Variants in TAPBP observed in about 807,000 individuals in gnomAD.
TAPBP encodes the protein TAP binding protein.
TAPBP carries 38 observed loss-of-function variants against 45.7 expected under a neutral mutation model. The ratio of observed to expected loss-of-function variants is 0.83; its 90% CI spans 0.64 to 1.09. The LOEUF is 1.09. Ranked by LOEUF, TAPBP falls within the 50% of genes least tolerant of loss-of-function variation. The pLI, the probability that TAPBP is intolerant of heterozygous loss-of-function variation, is 0.00. For missense variants in TAPBP, 513 were observed against 587.3 expected, an observed-to-expected ratio of 0.87 and a Z score of 1.31; for synonymous variants, 226 against 254.8, an observed-to-expected ratio of 0.89 and a Z score of 1.08.
At chr6:33,303,601 AATT>A (rs1264816924) in intron 7 of TAPBP, 1 of 863,642 alleles carries the variant, frequency 1.2e-6, no homozygotes, top group African/African-American at 1.7e-5. Context: ...AAGGGACCAG[AATT>A]ATTAGATTAA....
In TAPBP at chr6:33,305,514, T is replaced by G. The variant is rs1184077138; in HGVS notation, c.470-127A>C. 2.9e-6 allele frequency: 3 copies of G among 1,052,176 alleles called. No homozygotes were observed. The African/African-American group carries it at 4.8e-5, about 17-fold the overall frequency. 65.2% of individuals were successfully genotyped at this position (1,052,176 alleles called of 1,614,324 possible). ...TTTACCCACCCCTCAGAGGACACCT[T>G]TTCTGATACTCACCATTTCCTAGCC... On this transcript the variant is annotated intron_variant, in intron 3 of 7. Coordinates refer to ENST00000434618, the MANE Select transcript of TAPBP (RefSeq NM_003190.5). The surrounding 1 kb of genome is among the most constrained non-coding windows in gnomAD (Gnocchi z 4.4).
rs371603958 is a variant in TAPBP, at chr6:33,305,223, C to T, written c.634G>A (p.Gly212Ser). The change falls in exon 4 of 8, where the codon GGT becomes AGT. Residue 212 changes from glycine to serine, a missense_variant. Physicochemically the swap from Gly to Ser is moderately conservative, Grantham distance 56. Transcript: ENST00000434618. The surrounding 1 kb of genome is among the most constrained non-coding windows in gnomAD (Gnocchi z 4.4). ...GCAGCCAGGAGCAGATGTCCCTTAC[C>T]CAGGTGCTGGCGTCGCCACTCTAGC... ...FGLEWRRQHL[G>S]KGHLLLAATP... 2.7e-5 allele frequency: 44 copies of T among 1,613,736 alleles called. No homozygotes were observed. The highest frequency in any genetic ancestry group is 3.6e-5 in the Non-Finnish European group (43 of 1,179,822).
At chr6:33,311,729 A>G (rs1007693563) in intron 3 of TAPBP, among the ~76,000 whole-genome samples, 1 of 152,216 alleles carries the variant, frequency 6.6e-6, no homozygotes, top group Admixed American at 6.5e-5. Context: ...CCACCCGGGC[A>G]CTTCCAGGGC....
At position 33,305,444 on chromosome 6, in the gene TAPBP, G is replaced by A; in HGVS notation, c.470-57C>T. ...GGGGCATGAGGGAGAGAAAGAAGGA[G>A]AAAAAAATAGAGAAATGCAGTTATT... On this transcript the variant is annotated intron_variant, in intron 3 of 7. Coordinates refer to ENST00000434618, the MANE Select transcript of TAPBP (RefSeq NM_003190.5). The surrounding 1 kb of genome is among the most constrained non-coding windows in gnomAD (Gnocchi z 4.4). 2.1e-6 allele frequency: 3 copies of A among 1,450,502 alleles called. No individual in the cohort carries two copies. The highest frequency in any genetic ancestry group is 3.0e-5 in the South Asian group (2 of 66,732). The allele number at this position is 1,450,502 out of a possible 1,614,324, so 89.9% of individuals were successfully genotyped here.
intron 3 of TAPBP, among the ~76,000 whole-genome samples, chr6:33,311,734 C>T (rs1199961817): frequency 6.6e-6 from 1 of 152,210 alleles, no homozygotes; most frequent in Non-Finnish European, 1.5e-5. Context: ...CGGGCACTTC[C>T]AGGGCTCCCT....
In TAPBP at chr6:33,301,648, G is replaced by T; in HGVS notation, c.*112C>A. 1.1e-6 allele frequency: 1 copy of T among 936,874 alleles called. No individual in the cohort carries two copies. The highest frequency in any genetic ancestry group is 1.7e-6 in the Non-Finnish European group (1 of 586,858). 58.0% of individuals were successfully genotyped at this position (936,874 alleles called of 1,614,324 possible). On this transcript the variant is annotated 3_prime_UTR_variant, in exon 8 of 8. Coordinates refer to ENST00000434618, the MANE Select transcript of TAPBP (RefSeq NM_003190.5). ...AAAAAAAGCATTCCAGCCACTCAGT[G>T]GAGAGAGATTGGAGGGATTAGGAGC...
At chr6:33,312,977 T>A in intron 3 of TAPBP, 6 of 394,250 alleles carry the variant, frequency 1.5e-5, no homozygotes, top group East Asian at 3.9e-5. Context: ...TGCCCGGCCC[T>A]GCTTTCCCCC....
chr6:33,313,447 C>A lies in TAPBP; in HGVS notation c.239G>T (p.Arg80Met). The change falls in exon 3 of 8, where the codon AGG becomes ATG. Residue 80 changes from arginine (R) to methionine (M), a missense_variant. Transcript: ENST00000434618. The surrounding 1 kb of genome is among the most constrained non-coding windows in gnomAD (Gnocchi z 7.2). ...TGCGGGGGCGCCCCGGGGATACCGC[C>A]TGAAGGCAGCCTGGAGGGCGCCCGC... ...DPAGALQAAF[R>M]RYPRGAPAPH... The A allele has an allele frequency of 6.3e-7, 1 of 1,590,528 alleles. No individual in the cohort carries two copies. Among genetic ancestry groups the A allele is most frequent in the Non-Finnish European group, 8.6e-7 (1 of 1,165,332 alleles).
At position 33,301,668 on chromosome 6, in the gene TAPBP, A is replaced by T. The variant is rs1292192453; in HGVS notation, c.*92T>A. On this transcript the variant is annotated 3_prime_UTR_variant, in exon 8 of 8. Transcript: ENST00000434618. ...TCAGTGGAGAGAGATTGGAGGGATT[A>T]GGAGCAGATGATAGGGTATTATTTT... 12 of 1,148,334 alleles carry T rather than the reference A, an allele frequency of 1.0e-5. No individual in the cohort carries two copies. Among genetic ancestry groups the T allele is most frequent in the Non-Finnish European group, 1.6e-5 (12 of 765,574 alleles). 71.1% of individuals were successfully genotyped at this position (1,148,334 alleles called of 1,614,324 possible).
In TAPBP at chr6:33,304,304, C is replaced by T. The variant is rs981203752; in HGVS notation, c.1203G>A (p.Glu401=). ...AGAGCTCCCAGCTCTTACCTGCTAC[C>T]TCCAGGGTGACCTCAGCGCTGCGCC... ...ASGRSAEVTL[E]VAGLSGPSLE... Residue 401 remains glutamate, a synonymous_variant, in exon 5 of 8, where the codon GAG becomes GAA. Coordinates refer to ENST00000434618, the MANE Select transcript of TAPBP (RefSeq NM_003190.5). The T allele has an allele frequency of 5.0e-6, 8 of 1,602,012 alleles. No homozygotes were observed. Among genetic ancestry groups the T allele is most frequent in the Non-Finnish European group, 6.8e-6 (8 of 1,172,920 alleles).
chr6:33,306,775 T>C (rs1768993229), intron 3 of TAPBP, among the ~76,000 whole-genome samples: 1 of 152,092 alleles, frequency 6.6e-6, no homozygotes, highest in African/African-American at 2.4e-5. Context: ...GTTCGGGAGT[T>C]TGAAACCAGC....
rs1300152700 is a variant in TAPBP at position 33,299,838 on chromosome 6, C to T, written c.*1922G>A. 1 of 152,354 alleles carries T rather than the reference C, an allele frequency of 6.6e-6. No individual in the cohort carries two copies. Among genetic ancestry groups the T allele is most frequent in the African/African-American group, 2.4e-5 (1 of 41,466 alleles). The allele number at this position is 152,354 out of a possible 1,614,324, so 9.4% of individuals were successfully genotyped here. ...CCAGCAGCTACTTGATGAGCGCCCT[C>T]CAGTGGGCCTTAGGTCCCTATGCCG... On this transcript the variant is annotated 3_prime_UTR_variant, in exon 8 of 8. Coordinates refer to ENST00000434618, the MANE Select transcript of TAPBP (RefSeq NM_003190.5). This position sits in a 1 kb window ranked among gnomAD's most constrained non-coding sequence, Gnocchi z 5.0.
At position 33,304,508 on chromosome 6, in the gene TAPBP, C is replaced by T. The variant is rs778806494; in HGVS notation, c.999G>A (p.Arg333=). The T allele has an allele frequency of 8.1e-6, 13 of 1,613,412 alleles. No individual in the cohort carries two copies. Among genetic ancestry groups the T allele is most frequent in the Non-Finnish European group, 1.1e-5 (13 of 1,179,908 alleles). ...SGGLEVEWEL[R]GGPGGRSQKA... is the part of the protein sequence containing the mutation. ...TCTGAGAGCGGCCCCCTGGGCCACC[C>T]CGGAGTTCCCACTCCACCTCCAGGC... The change falls in exon 5 of 8, where the codon CGG becomes CGA. Residue 333 remains arginine, a synonymous_variant. Coordinates refer to ENST00000434618, the MANE Select transcript of TAPBP (RefSeq NM_003190.5).
At chr6:33,311,039 G>A (rs3130260) in intron 3 of TAPBP, among the ~76,000 whole-genome samples, 35,860 of 152,134 alleles carry the variant, frequency 0.24, 5,338 homozygotes, top group South Asian at 0.31. Flanking sequence ...ACAGCAGGCC[G>A]GGCGTGGTGG....
chr6:33,304,845 AT>A (rs1768854161), intron 4 of TAPBP, 143 bp downstream of exon 4: 1 of 1,377,372 alleles, frequency 7.3e-7, no homozygotes, highest in South Asian at 1.4e-5. Context: ...CTAGCCTCCC[AT>A]TACCCCTCTA....
At chr6:33,306,668 C>A (rs1179748498) in intron 3 of TAPBP, among the ~76,000 whole-genome samples, 1 of 152,222 alleles carries the variant, frequency 6.6e-6, no homozygotes, top group Non-Finnish European at 1.5e-5. Flanking sequence ...CTGATCCCAT[C>A]ACCTACCTGT....
At position 33,305,484 on chromosome 6, in the gene TAPBP, T is replaced by A; in HGVS notation, c.470-97A>T. The A allele has an allele frequency of 7.5e-7, 1 of 1,324,964 alleles. No individual in the cohort carries two copies. The highest frequency in any genetic ancestry group is 1.0e-6 in the Non-Finnish European group (1 of 989,726). 82.1% of individuals were successfully genotyped at this position (1,324,964 alleles called of 1,614,324 possible). A position where few individuals can be genotyped will look rare whatever the true frequency, so the allele number is the denominator to read the frequency against. On this transcript the variant is annotated intron_variant, in intron 3 of 7. Coordinates refer to ENST00000434618, the MANE Select transcript of TAPBP (RefSeq NM_003190.5). This position sits in a 1 kb window ranked among gnomAD's most constrained non-coding sequence, Gnocchi z 4.4. ...ATGCAGTTATTGGGGAGGGCTAAAC[T>A]GCAGTTTACCCACCCCTCAGAGGAC...
intron 7 of TAPBP, among the ~76,000 whole-genome samples, chr6:33,302,646 C>CT (rs9282489): frequency 0.44 from 63,379 of 143,766 alleles, 14,371 homozygotes; most frequent in South Asian, 0.61. Flanking sequence ...ATTTCTTTTT[C>CT]TTTTTTTTTT....
chr6:33,309,268 A>C (rs1749404124), intron 3 of TAPBP, among the ~76,000 whole-genome samples: 1 of 151,972 alleles, frequency 6.6e-6, no homozygotes, highest in African/African-American at 2.4e-5. Context: ...GCCTGTAATC[A>C]CAGCTGCTTG....
Sources: gnomAD v4.1 joint callset for allele counts (sites outside exome capture counted in the v4.1 genomes callset) on GRCh38, gnomAD v4.1.1 for gene constraint, Gnocchi (gnomAD v3.1) non-coding constraint, MANE v1.5 for transcripts, NCBI Gene and HGNC (gene_info 2026-07-23, HGNC 2026-07-21) for gene names.